Variants in NEXMIF observed in about 807,000 individuals in gnomAD.
NEXMIF encodes the protein neurite extension and migration factor.
A neutral mutation model predicts 62.1 loss-of-function variants in NEXMIF; 8 were observed. The ratio of observed to expected loss-of-function variants is 0.13; its 90% CI spans 0.08 to 0.23. The LOEUF is 0.23. Among genes scored for constraint, NEXMIF ranks in the 10% least tolerant of loss-of-function variants. NEXMIF has a pLI of 1.00. For synonymous variants in NEXMIF, 404 were observed against 416.6 expected, an observed-to-expected ratio of 0.97 and a Z score of 0.37; for missense variants, 976 against 1,113.3, an observed-to-expected ratio of 0.88 and a Z score of 1.75.
chrX:74,852,226 T>A (rs1280222067), intron 1 of NEXMIF, among the ~76,000 whole-genome samples: 1 of 110,310 alleles, frequency 9.1e-6, no homozygotes, highest in African/African-American at 3.3e-5. Context: ...ACAAAGAAGG[T>A]CAATATATAA....
At chrX:74,842,957 G>A (rs752267397) in intron 1 of NEXMIF, among the ~76,000 whole-genome samples, 41 of 111,689 alleles carry the variant, frequency 3.7e-4, no homozygotes, top group South Asian at 7.5e-4. Context: ...TGTTGTTTGC[G>A]GGTGGAGAGT....
chrX:74,843,466 G>A (rs902103012), intron 1 of NEXMIF, among the ~76,000 whole-genome samples: 1 of 109,633 alleles, frequency 9.1e-6, no homozygotes, highest in African/African-American at 3.3e-5. Context: ...CCAGGCTGGA[G>A]TGCAGTGGTG....
intron 1 of NEXMIF, among the ~76,000 whole-genome samples, chrX:74,870,903 G>A (rs1034987639): frequency 6.2e-5 from 7 of 112,069 alleles, no homozygotes; most frequent in Non-Finnish European, 1.1e-4. Flanking sequence ...ATGCAGAACA[G>A]TTTGTAGGGT....
At chrX:74,794,721 T>G (rs2080300173) in intron 1 of NEXMIF, among the ~76,000 whole-genome samples, 2 of 111,600 alleles carry the variant, frequency 1.8e-5, no homozygotes, top group South Asian at 7.7e-4. Context: ...CATATTCGGG[T>G]GGGAGTGGCC....
intron 1 of NEXMIF, among the ~76,000 whole-genome samples, chrX:74,759,655 C>T (rs913452142): frequency 1.4e-4 from 16 of 111,917 alleles, no homozygotes; most frequent in African/African-American, 4.9e-4. Flanking sequence ...GTCCTTTACC[C>T]ATTGCTTGTT....
At chrX:74,838,185 T>C (rs1274155461) in intron 1 of NEXMIF, among the ~76,000 whole-genome samples, 3 of 111,545 alleles carry the variant, frequency 2.7e-5, no homozygotes, top group Admixed American at 9.6e-5. Context: ...CATGACTTAA[T>C]GTAGGTATGT....
intron 1 of NEXMIF, among the ~76,000 whole-genome samples, chrX:74,866,017 G>C: frequency 9.0e-6 from 1 of 111,583 alleles, no homozygotes; most frequent in Non-Finnish European, 1.9e-5. Flanking sequence ...ACTGCCTAGT[G>C]GAGCTGTGAG....
intron 1 of NEXMIF, among the ~76,000 whole-genome samples, chrX:74,854,447 T>C (rs1295955862): frequency 2.7e-5 from 3 of 111,584 alleles, no homozygotes; most frequent in Admixed American, 1.9e-4. Context: ...AGACCGTATG[T>C]AAACATAATA....
chrX:74,834,785 T>C (rs990095170), intron 1 of NEXMIF, among the ~76,000 whole-genome samples: 3 of 111,464 alleles, frequency 2.7e-5, no homozygotes, highest in African/African-American at 9.8e-5. Context: ...TGAGGTAGTC[T>C]TCTTTGGGTT....
chrX:74,829,770 T>C (rs1040218969), intron 1 of NEXMIF, among the ~76,000 whole-genome samples: 2 of 112,121 alleles, frequency 1.8e-5, no homozygotes, highest in Non-Finnish European at 3.8e-5. Flanking sequence ...TGATATCTTC[T>C]CATTGTACCT....
intron 1 of NEXMIF, among the ~76,000 whole-genome samples, chrX:74,916,659 T>C (rs1046631503): frequency 3.6e-5 from 4 of 111,800 alleles, no homozygotes; most frequent in African/African-American, 1.3e-4. Context: ...CTTGAACTTT[T>C]CAGCCTCCAT....
At chrX:74,823,457 A>G (rs959798098) in intron 1 of NEXMIF, among the ~76,000 whole-genome samples, 5 of 112,004 alleles carry the variant, frequency 4.5e-5, no homozygotes, top group African/African-American at 1.6e-4. Flanking sequence ...GTTAAAGGGC[A>G]CTAAAACATT....
chrX:74,906,354 G>T (rs1267132265), intron 1 of NEXMIF, among the ~76,000 whole-genome samples: 1 of 110,782 alleles, frequency 9.0e-6, no homozygotes, highest in African/African-American at 3.3e-5. Flanking sequence ...GAAGCTCTGG[G>T]TGCCTGGGGA....
chrX:74,882,217 G>A (rs933131770), intron 1 of NEXMIF, among the ~76,000 whole-genome samples: 2 of 112,223 alleles, frequency 1.8e-5, no homozygotes, highest in African/African-American at 6.5e-5. Context: ...CTCCCAGCGT[G>A]AGCGACGCAG....
In NEXMIF at chrX:74,815,739, A is replaced by G. The variant is rs1415190228; in HGVS notation, c.-47-70042T>C. Among the ~76,000 whole-genome samples, 7 of 104,926 alleles carry G rather than the reference A, an allele frequency of 6.7e-5. No homozygotes were observed. In the Admixed American group the frequency reaches 7.4e-4, roughly 11 times the overall value. The allele number at this position is 104,926 out of a possible 115,157, so 91.1% of individuals were successfully genotyped here. On this transcript the variant is annotated intron_variant, in intron 1 of 3. Transcript: ENST00000055682. Reference sequence around the variant, plus strand: ...AAGCTCCGCCTCCCGGGTTCATGCCATTCTCCTGCCTCAGCCTCCTGAGTA... The same window carrying G: ...AAGCTCCGCCTCCCGGGTTCATGCCGTTCTCCTGCCTCAGCCTCCTGAGTA...
intron 3 of NEXMIF, among the ~76,000 whole-genome samples, chrX:74,739,718 T>A (rs1225267739): frequency 1.8e-5 from 2 of 110,518 alleles, no homozygotes; most frequent in Non-Finnish European, 3.8e-5. Flanking sequence ...TGGCTTTTTG[T>A]CTACATGACT....
intron 1 of NEXMIF, among the ~76,000 whole-genome samples, chrX:74,785,373 C>CT (rs1487844659): frequency 6.3e-5 from 7 of 110,996 alleles, no homozygotes; most frequent in African/African-American, 2.0e-4. Flanking sequence ...CCTATATAAT[C>CT]TTTTTTTGTG....
At chrX:74,808,718 G>C (rs963522294) in intron 1 of NEXMIF, among the ~76,000 whole-genome samples, 1 of 111,798 alleles carries the variant, frequency 8.9e-6, no homozygotes, top group Admixed American at 9.5e-5. Context: ...GTTTTGGAAG[G>C]TTAATTGTTG....
chrX:74,771,821 C>CTGTG (rs756161385), intron 1 of NEXMIF, among the ~76,000 whole-genome samples: 4 of 108,863 alleles, frequency 3.7e-5, no homozygotes, highest in African/African-American at 6.7e-5. Context: ...AACTCTCACT[C>CTGTG]TGTGTGTGTG....
Sources: gnomAD v4.1 joint callset for allele counts (sites outside exome capture counted in the v4.1 genomes callset) on GRCh38, gnomAD v4.1.1 for gene constraint, MANE v1.5 for transcripts, NCBI Gene and HGNC (gene_info 2026-07-23, HGNC 2026-07-21) for gene names.